The following ADGRG7 variants were observed in gnomAD, a reference collection of about 807,000 sequenced individuals.
ADGRG7 encodes G-protein coupled receptor 128.
ADGRG7 carries 82 observed loss-of-function variants against 88.6 expected under a neutral mutation model. The ratio of observed to expected loss-of-function variants is 0.93; its 90% CI spans 0.77 to 1.11. The LOEUF (loss-of-function observed/expected upper bound fraction) is 1.11, where lower values mean the gene tolerates loss of function less well. ADGRG7 is among the 50% of genes most tolerant of loss of function. The probability of loss-of-function intolerance (pLI) is 0.00; values close to 1 mark genes in which losing one functional copy is unlikely to be tolerated. For missense variants in ADGRG7, 945 were observed against 953.4 expected (o/e 0.99, Z 0.12); for synonymous variants, 381 against 345.2 (o/e 1.10, Z -1.15).
intron 15 of ADGRG7, among the ~76,000 whole-genome samples, chr3:100,672,651 G>A (rs148477533): frequency 8.0e-4 from 122 of 152,260 alleles, no homozygotes; most frequent in African/African-American, 2.9e-3. Context: ...CAAAGGGAAT[G>A]CTTCCAGTTT....
intron 10 of ADGRG7, among the ~76,000 whole-genome samples, chr3:100,646,992 T>C (rs1335812066): frequency 6.6e-6 from 1 of 152,092 alleles, no homozygotes; most frequent in Non-Finnish European, 1.5e-5. Context: ...ACCCCGTCTC[T>C]ACTAAAAATA....
At chr3:100,682,893 C>T (rs2094975884) in intron 15 of ADGRG7, among the ~76,000 whole-genome samples, 1 of 152,156 alleles carries the variant, frequency 6.6e-6, no homozygotes, top group Non-Finnish European at 1.5e-5. Flanking sequence ...TTTGCACTCT[C>T]AGGGGTCCAG....
At chr3:100,611,585 A>G (rs966408806) in intron 1 of ADGRG7, among the ~76,000 whole-genome samples, 2 of 152,216 alleles carry the variant, frequency 1.3e-5, no homozygotes, top group Non-Finnish European at 2.9e-5. Flanking sequence ...AAGGAGGCAT[A>G]ATAAGTAATA....
In ADGRG7 at chr3:100,635,586, C is replaced by G. The variant is rs1362285992; in HGVS notation, c.448-91C>G. On this transcript the variant is annotated intron_variant, in intron 4 of 15. Coordinates refer to ENST00000273352, the MANE Select transcript of ADGRG7 (RefSeq NM_032787.3). ...TGGTGTTCAGGAGATTGAGGCTCAG[C>G]TAAATTCCAGCTTATTTACCTGCAG... 96 of 1,537,834 alleles carry G rather than the reference C, an allele frequency of 6.2e-5. 1 individual carries two copies. In the East Asian group the frequency reaches 2.2e-3, roughly 35 times the overall value.
intron 15 of ADGRG7, among the ~76,000 whole-genome samples, chr3:100,687,155 G>GTTCACA (rs1202678179): frequency 1.3e-5 from 2 of 152,166 alleles, no homozygotes; most frequent in East Asian, 3.8e-4. Flanking sequence ...GTGAATGGGA[G>GTTCACA]TTCACTCATG....
At chr3:100,627,330 T>C (rs1255081444) in intron 1 of ADGRG7, among the ~76,000 whole-genome samples, 9 of 152,218 alleles carry the variant, frequency 5.9e-5, no homozygotes. Flanking sequence ...GAAGTTTATC[T>C]CCTTTATTCT....
At chr3:100,622,264 ATTTTTTT>A (rs57699713) in intron 1 of ADGRG7, among the ~76,000 whole-genome samples, 67,557 of 131,368 alleles carry the variant, frequency 0.51, 17,461 homozygotes, top group South Asian at 0.75. Flanking sequence ...CTCTATATTC[ATTTTTTT>A]TTTTTTTTTT....
At chr3:100,616,695 C>A (rs958318442) in intron 1 of ADGRG7, among the ~76,000 whole-genome samples, 2 of 152,128 alleles carry the variant, frequency 1.3e-5, no homozygotes, top group Admixed American at 6.6e-5. Flanking sequence ...GTGGCGCCTG[C>A]CTGTAGTCTC....
At chr3:100,644,388 C>G (rs866532465) in intron 8 of ADGRG7, among the ~76,000 whole-genome samples, 1 of 152,138 alleles carries the variant, frequency 6.6e-6, no homozygotes, top group Non-Finnish European at 1.5e-5. Context: ...ATGGTAGAGA[C>G]TAGATCTAAG....
At chr3:100,633,577 T>C (rs1265711327) in intron 4 of ADGRG7, among the ~76,000 whole-genome samples, 200 bp downstream of exon 4, 1 of 152,204 alleles carries the variant, frequency 6.6e-6, no homozygotes, top group African/African-American at 2.4e-5. Flanking sequence ...CAGGCTGCAG[T>C]GCAATGGCAC....
chr3:100,635,928 A>G, intron 5 of ADGRG7, 102 bp downstream of exon 5: 1 of 862,838 alleles, frequency 1.2e-6, no homozygotes, highest in Non-Finnish European at 1.8e-6. Context: ...ATTCCACAAT[A>G]TGGTTTGAGC....
intron 1 of ADGRG7, 76 bp from the exon 2 acceptor site, chr3:100,629,522 A>G (rs1312101004): frequency 1.1e-6 from 1 of 927,220 alleles, no homozygotes; most frequent in Non-Finnish European, 1.7e-6. Flanking sequence ...ACGTGTAGAA[A>G]TTAAGTGGCC....
chr3:100,684,106 T>C (rs1049312860), intron 15 of ADGRG7, among the ~76,000 whole-genome samples: 2 of 152,120 alleles, frequency 1.3e-5, no homozygotes, highest in African/African-American at 4.8e-5. Context: ...TACCAACTTC[T>C]AGTTTGTTTT....
intron 15 of ADGRG7, among the ~76,000 whole-genome samples, chr3:100,683,460 G>A (rs1310446151): frequency 6.6e-6 from 1 of 152,242 alleles, no homozygotes; most frequent in Admixed American, 6.5e-5. Context: ...CATGGAAGCT[G>A]CTTATGGTAG....
At chr3:100,683,678 G>A (rs1169349577) in intron 15 of ADGRG7, among the ~76,000 whole-genome samples, 3 of 152,238 alleles carry the variant, frequency 2.0e-5, no homozygotes, top group Admixed American at 6.5e-5. Flanking sequence ...GCCAGACCGA[G>A]TAGGAGGAAT....
chr3:100,632,527 G>A, intron 3 of ADGRG7, among the ~76,000 whole-genome samples: 1 of 152,138 alleles, frequency 6.6e-6, no homozygotes, highest in Admixed American at 6.6e-5. Flanking sequence ...GTTATTTATA[G>A]CCCATAAATA....
intron 14 of ADGRG7, among the ~76,000 whole-genome samples, chr3:100,662,249 T>C (rs768143108): frequency 6.6e-6 from 1 of 152,144 alleles, no homozygotes; most frequent in African/African-American, 2.4e-5. Context: ...ATACAGTTTA[T>C]GGCTACATTT....
rs192723273 is a variant in ADGRG7 at position 100,646,807 on chromosome 3, T to C, written c.1266+83T>C. ...AGTAGGTGCTCCTTGGAGATAACTT[T>C]GGGATTTAATTTACATAGATTCTCA... On this transcript the variant is annotated intron_variant, in intron 10 of 15. Transcript: ENST00000273352. 5.3e-4 allele frequency: 603 copies of C among 1,137,444 alleles called. 1 individual carries two copies. In the African/African-American group the frequency reaches 8.1e-3, roughly 15 times the overall value. The allele number at this position is 1,137,444 out of a possible 1,614,324, so 70.5% of individuals were successfully genotyped here.
intron 14 of ADGRG7, among the ~76,000 whole-genome samples, chr3:100,663,731 A>G (rs1482346535): frequency 1.3e-5 from 2 of 152,066 alleles, no homozygotes; most frequent in Non-Finnish European, 2.9e-5. Context: ...TGTTCTTAAT[A>G]TAAGAATTCA....
Sources: allele counts gnomAD v4.1 joint callset (sites outside exome capture counted in the v4.1 genomes callset), GRCh38; gene constraint gnomAD v4.1.1; transcripts MANE v1.5; gene names NCBI Gene and HGNC (gene_info 2026-07-23, HGNC 2026-07-21).